Variants in RP2 observed in about 807,000 individuals in gnomAD.
RP2 encodes protein XRP2.
RP2 carries 3 observed loss-of-function variants against 20.3 expected under a neutral mutation model. The observed-to-expected ratio is 0.15, with a 90% confidence interval of 0.07 to 0.38. The LOEUF (loss-of-function observed/expected upper bound fraction) is 0.38. RP2 is among the 10% of genes least tolerant of loss of function. RP2 has a pLI of 1.00. For missense variants in RP2, 233 were observed against 268.5 expected (o/e 0.87, Z 0.92); for synonymous variants, 75 against 94.8 (o/e 0.79, Z 1.22).
intron 1 of RP2, among the ~76,000 whole-genome samples, chrX:46,849,065 C>T (rs1173852153): frequency 9.0e-6 from 1 of 111,130 alleles, no homozygotes; most frequent in Non-Finnish European, 1.9e-5. Context: ...AAACTCACTT[C>T]ATAAGTGGCT....
intron 4 of RP2, among the ~76,000 whole-genome samples, chrX:46,879,194 G>GCAC (rs1315736354): frequency 4.7e-5 from 5 of 107,442 alleles, no homozygotes; most frequent in African/African-American, 1.7e-4. Context: ...AGCCATGATT[G>GCAC]CACCACTGCA....
chrX:46,862,654 T>C (rs951660215), intron 3 of RP2, among the ~76,000 whole-genome samples: 4 of 111,453 alleles, frequency 3.6e-5, no homozygotes, highest in African/African-American at 1.3e-4. Flanking sequence ...AGCAAGACTC[T>C]GTCTCAAAAA....
Position 46,877,561 on chromosome X carries a change from A to T in RP2, c.940A>T (p.Ile314Phe), listed in dbSNP as rs1556327859. 8.3e-7 allele frequency: 1 copy of T among 1,201,194 alleles called. No homozygotes were observed. The highest frequency in any genetic ancestry group is 1.1e-6 in the Non-Finnish European group (1 of 885,744). The change falls in exon 4 of 5, where the codon ATT becomes TTT. Residue 314 changes from isoleucine to phenylalanine, a missense_variant. By Grantham distance (21) the Ile-to-Phe change is conservative. Coordinates refer to ENST00000218340, the MANE Select transcript of RP2 (RefSeq NM_006915.3). ...TGGTGCTGTAGAAGTATGTCAACTTATTGTAAACGAGATATTCAATGGGAC... is the reference window on the plus strand; with the variant it reads ...TGGTGCTGTAGAAGTATGTCAACTTTTTGTAAACGAGATATTCAATGGGAC... ...GDGAVEVCQL[I>F]VNEIFNGTKM...
At position 46,867,131 on chromosome X, in the gene RP2, C is replaced by T. The variant is rs190158701; in HGVS notation, c.883+7029C>T. The stretch of plus-strand genomic sequence containing the variant: ...TGTCTTTTTTTTTGACAAGGAGTCT[C>T]GCTCTGTTGCCCAGGCTGGAGTGCA... On this transcript the variant is annotated intron_variant, in intron 3 of 4. Transcript: ENST00000218340. 3.9e-3 allele frequency among the ~76,000 whole-genome samples: 436 copies of T among 110,389 alleles called. 2 individuals are homozygous for T. Among genetic ancestry groups the T allele is most frequent in the African/African-American group, 0.014 (419 of 30,294 alleles).
chrX:46,879,649 G>A (rs782494319), intron 4 of RP2, 37 bp from the exon 5 acceptor site: 1 of 942,659 alleles, frequency 1.1e-6, no homozygotes, highest in Admixed American at 2.3e-5. Context: ...GAAGTACTTG[G>A]TACTGATTTT....
intron 3 of RP2, among the ~76,000 whole-genome samples, chrX:46,863,477 C>T (rs1286426488): frequency 1.8e-5 from 2 of 111,991 alleles, no homozygotes; most frequent in African/African-American, 6.5e-5. Flanking sequence ...GCGCTGATTC[C>T]TGTGGAATAC....
chrX:46,848,145 C>T (rs1294494009), intron 1 of RP2, among the ~76,000 whole-genome samples: 1 of 108,228 alleles, frequency 9.2e-6, no homozygotes, highest in East Asian at 2.9e-4. Context: ...AATCTTTTTA[C>T]TTCTATTCAG....
intron 3 of RP2, among the ~76,000 whole-genome samples, chrX:46,862,789 A>G (rs782559153): frequency 4.4e-5 from 5 of 112,666 alleles, no homozygotes; most frequent in Non-Finnish European, 9.4e-5. Flanking sequence ...AAACAGCATC[A>G]TTGATGGACA....
chrX:46,850,718 C>T (rs946602773), intron 1 of RP2, among the ~76,000 whole-genome samples: 8 of 111,758 alleles, frequency 7.2e-5, no homozygotes, highest in East Asian at 2.8e-4. Flanking sequence ...GCAGAACTTC[C>T]GCCCCACTTC....
Position 46,837,052 on chromosome X carries a change from G to C in RP2, c.-49G>C. The C allele has an allele frequency of 8.9e-7, 1 of 1,123,398 alleles. No homozygotes were observed. The highest frequency in any genetic ancestry group is 1.2e-6 in the Non-Finnish European group (1 of 832,363). 92.6% of individuals were successfully genotyped at this position (1,123,398 alleles called of 1,213,427 possible). On this transcript the variant is annotated 5_prime_UTR_variant, in exon 1 of 5. Transcript: ENST00000218340. ...TCCCAGGGTTCACGCCACACTCTAG[G>C]AAGTGCCTGAGCTAGTGAGCTGGCC...
At chrX:46,864,513 C>T (rs908535356) in intron 3 of RP2, among the ~76,000 whole-genome samples, 3 of 109,224 alleles carry the variant, frequency 2.7e-5, no homozygotes, top group Admixed American at 2.0e-4. Flanking sequence ...TGGGCTCAAG[C>T]GATCCATTCA....
chrX:46,855,592 C>T (rs996406196), intron 2 of RP2, among the ~76,000 whole-genome samples: 4 of 110,060 alleles, frequency 3.6e-5, no homozygotes, highest in African/African-American at 6.6e-5. Flanking sequence ...CTCAGCCTCC[C>T]GAGTAGCTGG....
In RP2 at chrX:46,879,831, A is replaced by C; in HGVS notation, c.*62A>C. The C allele has an allele frequency of 2.9e-6, 2 of 689,698 alleles. No individual in the cohort carries two copies. Among genetic ancestry groups the C allele is most frequent in the South Asian group, 2.9e-5 (1 of 34,214 alleles). 56.8% of individuals were successfully genotyped at this position (689,698 alleles called of 1,213,427 possible). ...TCCCAACTTGTGAATATAGAATTTG[A>C]TAATACACTTTTGTGTATTAGCAAT... On this transcript the variant is annotated 3_prime_UTR_variant, in exon 5 of 5. Transcript: ENST00000218340.
rs1925445472 is a variant in RP2, at chrX:46,880,060, T to A, written c.*291T>A. The A allele has an allele frequency of 6.1e-6, 1 of 164,087 alleles. No individual in the cohort carries two copies. The highest frequency in any genetic ancestry group is 1.1e-5 in the Non-Finnish European group (1 of 87,783). The allele number at this position is 164,087 out of a possible 1,213,427, so 13.5% of individuals were successfully genotyped here. A position where few individuals can be genotyped will look rare whatever the true frequency, so the allele number is the denominator to read the frequency against. On this transcript the variant is annotated 3_prime_UTR_variant, in exon 5 of 5. Transcript: ENST00000218340. ...ATTAGAAAACAGAAGTAGCTAAAAG[T>A]TTATTATTTTAATCCTATTTAAATG...
intron 1 of RP2, among the ~76,000 whole-genome samples, chrX:46,847,385 C>T (rs931996008): frequency 4.5e-5 from 5 of 109,901 alleles, no homozygotes; most frequent in Admixed American, 2.0e-4. Context: ...GTCCAATTTC[C>T]ACTCACTTTT....
In RP2 at chrX:46,854,091, T is replaced by C. The variant is rs1556318744; in HGVS notation, c.718T>C (p.Leu240=). The change falls in exon 2 of 5, where the codon TTA becomes CTA. Residue 240 remains leucine, a synonymous_variant. Coordinates refer to ENST00000218340, the MANE Select transcript of RP2 (RefSeq NM_006915.3). ...CAGCGATGAATCATGCTTAGTGGTA[T>C]TATTTGCTGGTGATTACACTATTGC... ...KSSDESCLVV[L]FAGDYTIANA... is the part of the protein sequence containing the mutation. 1 of 1,211,969 alleles carries C rather than the reference T, an allele frequency of 8.3e-7. No individual in the cohort carries two copies. Among genetic ancestry groups the C allele is most frequent in the Non-Finnish European group, 1.1e-6 (1 of 895,442 alleles).
intron 3 of RP2, among the ~76,000 whole-genome samples, chrX:46,873,830 A>G (rs189358319): frequency 4.5e-5 from 5 of 111,067 alleles, no homozygotes; most frequent in Non-Finnish European, 7.6e-5. Context: ...GAGTCTTCAT[A>G]TGCAGAACAG....
intron 2 of RP2, among the ~76,000 whole-genome samples, chrX:46,859,748 A>T (rs1386241868): frequency 9.0e-6 from 1 of 111,587 alleles, no homozygotes. Flanking sequence ...CTTGAGAGAT[A>T]ATTCACATTT....
In RP2 at chrX:46,860,079, A is replaced by C; in HGVS notation, c.860A>C (p.Asp287Ala). Residue 287 changes from aspartate to alanine, a missense_variant, in exon 3 of 5, where the codon GAC (aspartate) becomes GCC (alanine). Physicochemically the swap from Asp to Ala is moderately radical, Grantham distance 126 (BLOSUM62 -2). Transcript: ENST00000218340. The stretch of plus-strand genomic sequence containing the variant: ...AGGGTTTTTCGGGAAAAAGCACCTG[A>C]CTTCCTTCCTCTTCTGAACAAAGGT... The part of the protein sequence containing the change: ...AQRVFREKAP[D>A]FLPLLNKGPV... The C allele has an allele frequency of 1.7e-6, 2 of 1,183,704 alleles. No individual in the cohort carries two copies. The highest frequency in any genetic ancestry group is 2.3e-6 in the Non-Finnish European group (2 of 870,740).
Sources: allele counts gnomAD v4.1 joint callset (sites outside exome capture counted in the v4.1 genomes callset), GRCh38; gene constraint gnomAD v4.1.1; transcripts MANE v1.5; gene names NCBI Gene and HGNC (gene_info 2026-07-23, HGNC 2026-07-21).